The following AOPEP variants were observed in gnomAD, a reference collection of about 807,000 sequenced individuals.
AOPEP encodes the protein aminopeptidase O.
A neutral mutation model predicts 98.1 loss-of-function variants in AOPEP; 77 were observed. The observed-to-expected ratio is 0.78, with a 90% CI of 0.65 to 0.95. The LOEUF (loss-of-function observed/expected upper bound fraction) is 0.95. AOPEP is among the 40% of genes least tolerant of loss of function. The pLI is 0.00. For synonymous variants in AOPEP, 346 were observed against 365.3 expected, an observed-to-expected ratio of 0.95 and a Z score of 0.60; for missense variants, 1,024 against 1,024.7, an observed-to-expected ratio of 1.00 and a Z score of 0.01.
At position 94,759,886 on chromosome 9, in the gene AOPEP, G is replaced by T; in HGVS notation, c.103G>T (p.Glu35Ter). 6.2e-7 allele frequency: 1 copy of T among 1,614,150 alleles called. No individual in the cohort carries two copies. The highest frequency in any genetic ancestry group is 8.5e-7 in the Non-Finnish European group (1 of 1,180,036). Residue 35 changes from glutamate to a stop codon, truncating the protein, a stop_gained, in exon 2 of 17, where the codon GAA becomes TAA. Coordinates refer to ENST00000375315, the MANE Select transcript of AOPEP (RefSeq NM_001193329.3). LOFTEE classifies it high-confidence loss of function. ...TGTACTGGATTTGGATGTGGATTTT[G>T]AAAGTCAAGTCATTGAGGGGACCAT... ...HYVLDLDVDFESQVIEGTIVL... is the reference protein window; with the variant it reads ...HYVLDLDVDF
Position 94,849,017 on chromosome 9 carries a change from G to T in AOPEP, c.1364+48015G>T, listed in dbSNP as rs562995471. On this transcript the variant is annotated intron_variant, in intron 5 of 16. Transcript: ENST00000375315. ...TGGTCACAAACTCCTGACCTCAGGC[G>T]ATCCACTCGCCTCGGCCTCCCAAAA... 1.1e-4 allele frequency among the ~76,000 whole-genome samples: 16 copies of T among 152,270 alleles called. No homozygotes were observed. In the South Asian group the frequency reaches 3.3e-3, roughly 32 times the overall value.
chr9:95,081,374 T>C (rs771268241), intron 15 of AOPEP, among the ~76,000 whole-genome samples: 1 of 152,202 alleles, frequency 6.6e-6, no homozygotes, highest in Non-Finnish European at 1.5e-5. Flanking sequence ...CTGTAACACG[T>C]CACAGCCTCC....
At chr9:95,071,533 C>G (rs1331379355) in intron 14 of AOPEP, among the ~76,000 whole-genome samples, 1 of 152,090 alleles carries the variant, frequency 6.6e-6, no homozygotes, top group African/African-American at 2.4e-5. Flanking sequence ...GCCATACGTG[C>G]TTTTCTAAGC....
intron 3 of AOPEP, among the ~76,000 whole-genome samples, chr9:94,792,543 G>A (rs891911630): frequency 3.3e-5 from 5 of 152,048 alleles, no homozygotes; most frequent in Middle Eastern, 3.2e-3. Flanking sequence ...AAACTGATCC[G>A]TGGAAGAGAC....
chr9:94,913,089 T>C (rs2052319806), intron 5 of AOPEP, among the ~76,000 whole-genome samples: 1 of 152,228 alleles, frequency 6.6e-6, no homozygotes. Flanking sequence ...CAGAATTCTT[T>C]AGAATGAAAG....
intron 5 of AOPEP, among the ~76,000 whole-genome samples, chr9:94,912,275 G>A (rs552519822): frequency 3.3e-5 from 5 of 152,180 alleles, no homozygotes; most frequent in African/African-American, 1.2e-4. Flanking sequence ...TTAGGTGTTT[G>A]GTCATTGGTG....
chr9:94,878,604 A>G (rs573922937), intron 5 of AOPEP, among the ~76,000 whole-genome samples: 2 of 152,302 alleles, frequency 1.3e-5, no homozygotes, highest in Admixed American at 1.3e-4. Context: ...GGAGAGTGGA[A>G]CATCCATTAG....
At chr9:94,812,578 G>T (rs1368186334) in intron 5 of AOPEP, among the ~76,000 whole-genome samples, 1 of 152,128 alleles carries the variant, frequency 6.6e-6, no homozygotes, top group Non-Finnish European at 1.5e-5. Context: ...GCTGAGAAAT[G>T]TGTGGTATGA....
At chr9:94,846,969 A>G (rs1185507680) in intron 5 of AOPEP, among the ~76,000 whole-genome samples, 1 of 149,360 alleles carries the variant, frequency 6.7e-6, no homozygotes, top group East Asian at 2.1e-4. Context: ...GGATGATTGC[A>G]GTGACCATAT....
At chr9:94,951,921 A>G (rs938584174) in intron 7 of AOPEP, among the ~76,000 whole-genome samples, 3 of 152,214 alleles carry the variant, frequency 2.0e-5, no homozygotes, top group African/African-American at 7.2e-5. Flanking sequence ...AACCCCACCC[A>G]GCATGGAATC....
intron 10 of AOPEP, among the ~76,000 whole-genome samples, chr9:94,969,289 C>T (rs1443714896): frequency 6.6e-6 from 1 of 152,054 alleles, no homozygotes; most frequent in Non-Finnish European, 1.5e-5. Context: ...GCTGGCTGAC[C>T]ACCGACAGGG....
chr9:95,066,705 T>A (rs1179528980), intron 14 of AOPEP, among the ~76,000 whole-genome samples: 2 of 152,138 alleles, frequency 1.3e-5, no homozygotes, highest in African/African-American at 4.8e-5. Flanking sequence ...CTCCAGTCTG[T>A]ATAGATTTTC....
the AOPEP span, chr9:95,111,087 C>G: frequency 2.6e-6 from 4 of 1,515,654 alleles, no homozygotes; most frequent in Admixed American, 6.0e-5. Context: ...AGGGCCCTGG[C>G]TGTGGCCAGG....
At chr9:95,034,389 A>G (rs910695868) in intron 13 of AOPEP, among the ~76,000 whole-genome samples, 2 of 152,224 alleles carry the variant, frequency 1.3e-5, no homozygotes, top group Non-Finnish European at 2.9e-5. Context: ...ATAGAATAGT[A>G]TTAGGAAATA....
intron 5 of AOPEP, among the ~76,000 whole-genome samples, chr9:94,906,796 A>G (rs151218473): frequency 3.3e-5 from 5 of 152,316 alleles, no homozygotes; most frequent in Non-Finnish European, 7.3e-5. Flanking sequence ...GAGCATGGCA[A>G]TGTAGGCTCT....
intron 5 of AOPEP, among the ~76,000 whole-genome samples, chr9:94,856,641 TAAAAAAAAA>T (rs35234682): frequency 9.3e-4 from 119 of 128,550 alleles, no homozygotes; most frequent in East Asian, 1.3e-3. Context: ...AACTCCGTCT[TAAAAAAAAA>T]AAAAAAAAAA....
chr9:94,781,289 G>A (rs1843187104), intron 3 of AOPEP, among the ~76,000 whole-genome samples: 1 of 152,094 alleles, frequency 6.6e-6, no homozygotes, highest in African/African-American at 2.4e-5. Flanking sequence ...GAGACCCAAT[G>A]CCTAATACAG....
At chr9:94,768,554 C>G (rs1840153381) in intron 2 of AOPEP, among the ~76,000 whole-genome samples, 1 of 152,256 alleles carries the variant, frequency 6.6e-6, no homozygotes, top group Admixed American at 6.5e-5. Context: ...CATTTGACCA[C>G]TCTGCAAATG....
At chr9:94,924,321 G>A (rs1436314194) in intron 6 of AOPEP, 146 bp downstream of exon 6, 2 of 515,204 alleles carry the variant, frequency 3.9e-6, no homozygotes, top group African/African-American at 4.0e-5. Context: ...ATAAGAGAGG[G>A]AAGCCCCTAC....
Sources: allele counts gnomAD v4.1 joint callset (sites outside exome capture counted in the v4.1 genomes callset), GRCh38; gene constraint gnomAD v4.1.1; transcripts MANE v1.5; gene names NCBI Gene and HGNC (gene_info 2026-07-23, HGNC 2026-07-21).